Variants in XPR1 observed in about 807,000 individuals in gnomAD.
The protein encoded by XPR1 is xenotropic and polytropic retrovirus receptor 1, also known as solute carrier family 53 member 1.
In XPR1, 28 loss-of-function variants were observed where a neutral mutation model predicts 87.5. The observed-to-expected ratio is 0.32, with a 90% CI of 0.24 to 0.44. The LOEUF is 0.44. XPR1 is among the 20% of genes least tolerant of loss of function. The probability of loss-of-function intolerance (pLI) is 1.00; values close to 1 mark genes in which losing one functional copy is unlikely to be tolerated. For missense variants in XPR1, 559 were observed against 862.3 expected (o/e 0.65, Z 4.41); for synonymous variants, 300 against 306.1 (o/e 0.98, Z 0.21).
At chr1:180,815,127 G>C (rs1320114589) in intron 7 of XPR1, among the ~76,000 whole-genome samples, 6 of 152,042 alleles carry the variant, frequency 3.9e-5, no homozygotes, top group Non-Finnish European at 8.8e-5. Flanking sequence ...TTAGTCATTA[G>C]TGGGTGCAAT....
At chr1:180,635,080 T>C (rs182481671) in intron 1 of XPR1, among the ~76,000 whole-genome samples, 11 of 152,166 alleles carry the variant, frequency 7.2e-5, no homozygotes, top group Admixed American at 6.5e-4. Context: ...ATCCTGAAAA[T>C]TATTATGTTT....
At chr1:180,874,345 G>A (rs1652594644) in intron 13 of XPR1, among the ~76,000 whole-genome samples, 1 of 151,914 alleles carries the variant, frequency 6.6e-6, no homozygotes, top group South Asian at 2.1e-4. Context: ...GGCAGTCTGA[G>A]TTATTCAGCC....
intron 7 of XPR1, among the ~76,000 whole-genome samples, chr1:180,814,199 C>T (rs1482608086): frequency 6.6e-6 from 1 of 152,050 alleles, no homozygotes; most frequent in African/African-American, 2.4e-5. Context: ...TGAATTTTAC[C>T]TATTAACAGT....
At chr1:180,794,015 T>A (rs755143686) in intron 3 of XPR1, among the ~76,000 whole-genome samples, 26 of 152,276 alleles carry the variant, frequency 1.7e-4, no homozygotes, top group East Asian at 3.9e-4. Context: ...GGGTTTTTTT[T>A]AAATTGTAGG....
intron 2 of XPR1, among the ~76,000 whole-genome samples, chr1:180,736,019 A>T: frequency 6.6e-6 from 1 of 152,218 alleles, no homozygotes; most frequent in East Asian, 1.9e-4. Flanking sequence ...CCCTGTCCTC[A>T]TGGAGTCTAT....
chr1:180,752,483 A>C (rs1469984463), intron 2 of XPR1, among the ~76,000 whole-genome samples: 1 of 152,072 alleles, frequency 6.6e-6, no homozygotes, highest in Non-Finnish European at 1.5e-5. Context: ...TTTTACCAAA[A>C]GTCTTAGCTT....
intron 2 of XPR1, among the ~76,000 whole-genome samples, chr1:180,689,696 A>G (rs1302123757): frequency 6.6e-6 from 1 of 152,206 alleles, no homozygotes; most frequent in African/African-American, 2.4e-5. Flanking sequence ...TGGGTAATGT[A>G]TGGACTTTAG....
intron 14 of XPR1, among the ~76,000 whole-genome samples, chr1:180,881,210 C>G (rs1271118102): frequency 2.6e-5 from 4 of 151,894 alleles, no homozygotes; most frequent in African/African-American, 4.8e-5. Flanking sequence ...GTTGCCCAGG[C>G]TGGAGTGCAG....
chr1:180,649,801 C>T (rs1366075657), intron 1 of XPR1, among the ~76,000 whole-genome samples: 1 of 152,168 alleles, frequency 6.6e-6, no homozygotes, highest in Admixed American at 6.5e-5. Flanking sequence ...TAACTGCAGG[C>T]TCCTGGATAT....
chr1:180,884,118 T>C lies in XPR1; in HGVS notation c.*52T>C, dbSNP rs1571259473. The C allele has an allele frequency of 1.3e-6, 2 of 1,575,376 alleles. No individual in the cohort carries two copies. Among genetic ancestry groups the C allele is most frequent in the Non-Finnish European group, 1.7e-6 (2 of 1,148,276 alleles). On this transcript the variant is annotated 3_prime_UTR_variant, in exon 15 of 15. Transcript: ENST00000367590. ...TTGGTTTTCCTACTCTACAATCCTT[T>C]CCTCGACCAACGCAACCTCTAGTAC...
At chr1:180,834,556 G>A (rs1558031641) in intron 9 of XPR1, among the ~76,000 whole-genome samples, 1 of 151,018 alleles carries the variant, frequency 6.6e-6, no homozygotes, top group Non-Finnish European at 1.5e-5. Flanking sequence ...GAAAAATCAG[G>A]GGGTAGTGGC....
intron 12 of XPR1, among the ~76,000 whole-genome samples, chr1:180,866,144 C>G (rs925452873): frequency 6.6e-6 from 1 of 151,868 alleles, no homozygotes; most frequent in Non-Finnish European, 1.5e-5. Flanking sequence ...CCCTGGAGTT[C>G]AAGACTGCAG....
At chr1:180,680,231 C>G (rs1314417409) in intron 1 of XPR1, among the ~76,000 whole-genome samples, 1 of 149,454 alleles carries the variant, frequency 6.7e-6, no homozygotes, top group African/African-American at 2.5e-5. Context: ...CAAAACAAAA[C>G]AAAAACAATA....
At chr1:180,721,969 A>T (rs1050432676) in intron 2 of XPR1, among the ~76,000 whole-genome samples, 7 of 152,128 alleles carry the variant, frequency 4.6e-5, no homozygotes, top group Non-Finnish European at 4.4e-5. Flanking sequence ...GAGAGTCAAA[A>T]GATGTACGTA....
chr1:180,881,485 G>A lies in XPR1; in HGVS notation c.2030+1188G>A, dbSNP rs149842464. On this transcript the variant is annotated intron_variant, in intron 14 of 14. Transcript: ENST00000367590. ...GCCACGAGTCACAGAGAATTTTTCTGTAGAAGAATGACATTGTGAAAGTAG... is the reference window on the plus strand; with the variant it reads ...GCCACGAGTCACAGAGAATTTTTCTATAGAAGAATGACATTGTGAAAGTAG... Among the ~76,000 whole-genome samples the A allele has an allele frequency of 2.9e-3, 443 of 152,268 alleles. 3 individuals are homozygous for A. Among genetic ancestry groups the A allele is most frequent in the African/African-American group, 9.7e-3 (401 of 41,538 alleles).
intron 1 of XPR1, among the ~76,000 whole-genome samples, chr1:180,673,772 C>T (rs1025968239): frequency 1.3e-5 from 2 of 152,198 alleles, no homozygotes; most frequent in Non-Finnish European, 2.9e-5. Context: ...TAATTGTCTT[C>T]CGTGAAACTA....
intron 3 of XPR1, among the ~76,000 whole-genome samples, chr1:180,788,565 C>T (rs1265017290): frequency 6.6e-6 from 1 of 152,056 alleles, no homozygotes; most frequent in African/African-American, 2.4e-5. Flanking sequence ...GGAAATGTTA[C>T]ACATAGTTCC....
intron 12 of XPR1, among the ~76,000 whole-genome samples, chr1:180,872,676 C>G (rs10914122): frequency 7.5e-6 from 1 of 133,742 alleles, no homozygotes; most frequent in Non-Finnish European, 1.6e-5. Flanking sequence ...TGCTTCGGCT[C>G]GCGCACGGTG....
intron 2 of XPR1, among the ~76,000 whole-genome samples, chr1:180,694,802 CACCAT>C (rs1020137295): frequency 1.4e-5 from 2 of 144,008 alleles, no homozygotes; most frequent in African/African-American, 5.2e-5. Context: ...CACACACACA[CACCAT>C]GTTTTCTTTA....
Sources: allele counts gnomAD v4.1 joint callset (sites outside exome capture counted in the v4.1 genomes callset), GRCh38; gene constraint gnomAD v4.1.1; transcripts MANE v1.5; gene names NCBI Gene and HGNC (gene_info 2026-07-23, HGNC 2026-07-21).